Variants in ABTB3 observed in about 807,000 individuals in gnomAD.
ABTB3 encodes ankyrin repeat- and BTB/POZ domain-containing protein 3.
chr12:107,637,139 C>T, the ABTB3 span, among the ~76,000 whole-genome samples: 1 of 152,182 alleles, frequency 6.6e-6, no homozygotes, highest in South Asian at 2.1e-4. Flanking sequence ...GCTAAGTGCT[C>T]TTCATAAATT....
At chr12:107,405,050 GT>G in the ABTB3 span, among the ~76,000 whole-genome samples, 1 of 152,194 alleles carries the variant, frequency 6.6e-6, no homozygotes, top group African/African-American at 2.4e-5. Flanking sequence ...AGGCCCTGCT[GT>G]TTTTCTGCAA....
the ABTB3 span, among the ~76,000 whole-genome samples, chr12:107,377,565 G>C: frequency 6.6e-6 from 1 of 152,156 alleles, no homozygotes; most frequent in Non-Finnish European, 1.5e-5. Context: ...GGTCCCATGT[G>C]CTGGAGGTGA....
the ABTB3 span, among the ~76,000 whole-genome samples, chr12:107,450,641 A>C: frequency 6.6e-6 from 1 of 152,204 alleles, no homozygotes; most frequent in African/African-American, 2.4e-5. Context: ...AAGTCTGTCC[A>C]GGTTTGTCGA....
the ABTB3 span, among the ~76,000 whole-genome samples, chr12:107,533,986 G>A: frequency 6.6e-6 from 1 of 152,088 alleles, no homozygotes; most frequent in African/African-American, 2.4e-5. Context: ...GGAAATACAT[G>A]GACACTAAAC....
chr12:107,603,966 G>A, the ABTB3 span, among the ~76,000 whole-genome samples: 2 of 151,962 alleles, frequency 1.3e-5, no homozygotes, highest in Non-Finnish European at 2.9e-5. Flanking sequence ...TCAGGAGATC[G>A]AGACCATCCT....
the ABTB3 span, among the ~76,000 whole-genome samples, chr12:107,383,029 C>T: frequency 7.9e-5 from 12 of 152,180 alleles, no homozygotes; most frequent in Non-Finnish European, 1.8e-4. Flanking sequence ...CTCACCTCCT[C>T]AATGGCACCT....
chr12:107,447,283 CA>C, the ABTB3 span, among the ~76,000 whole-genome samples: 2 of 152,214 alleles, frequency 1.3e-5, no homozygotes, highest in African/African-American at 2.4e-5. Context: ...GCTGGGATTA[CA>C]GGCATGTGCC....
chr12:107,414,266 C>T, the ABTB3 span, among the ~76,000 whole-genome samples: 2,488 of 152,212 alleles, frequency 0.016, 82 homozygotes, highest in African/African-American at 0.057. Context: ...AGTGGGGGCT[C>T]CGAATACACT....
the ABTB3 span, chr12:107,651,656 T>A: frequency 1.3e-6 from 2 of 1,597,626 alleles, no homozygotes; most frequent in Non-Finnish European, 1.7e-6. Flanking sequence ...TCTAACAGAC[T>A]CTTTTTGTGA....
chr12:107,393,806 T>C, the ABTB3 span, among the ~76,000 whole-genome samples: 1 of 152,052 alleles, frequency 6.6e-6, no homozygotes, highest in Non-Finnish European at 1.5e-5. Flanking sequence ...GGCAGGCGCC[T>C]GTAGTCCCAG....
the ABTB3 span, among the ~76,000 whole-genome samples, chr12:107,379,962 C>A: frequency 6.6e-6 from 1 of 152,208 alleles, no homozygotes; most frequent in African/African-American, 2.4e-5. Flanking sequence ...TGTCTGGCTG[C>A]AGTTCAGAAG....
the ABTB3 span, among the ~76,000 whole-genome samples, chr12:107,599,098 C>T: frequency 3.3e-4 from 51 of 152,268 alleles, no homozygotes; most frequent in African/African-American, 1.1e-3. Flanking sequence ...TGAAATTCCC[C>T]GGAGATCCTG....
At chr12:107,658,190 T>G in the ABTB3 span, 1 of 154,178 alleles carries the variant, frequency 6.5e-6, no homozygotes, top group African/African-American at 2.4e-5. Context: ...CTGGCAAATT[T>G]TTAGGGGTGG....
chr12:107,576,574 GCT>G, the ABTB3 span, among the ~76,000 whole-genome samples: 1 of 151,992 alleles, frequency 6.6e-6, no homozygotes, highest in African/African-American at 2.4e-5. Context: ...CTCTTCAAAG[GCT>G]CTCTCTCCAA....
chr12:107,530,139 C>T, the ABTB3 span, among the ~76,000 whole-genome samples: 2 of 152,140 alleles, frequency 1.3e-5, no homozygotes, highest in Non-Finnish European at 2.9e-5. Context: ...AAATGCAGGG[C>T]AAGCTGAAAG....
At chr12:107,544,182 C>T in the ABTB3 span, 2 of 1,588,264 alleles carry the variant, frequency 1.3e-6, no homozygotes, top group African/African-American at 2.7e-5. Context: ...TGGGTACTGC[C>T]TCCAGGGTGG....
At chr12:107,380,129 C>T in the ABTB3 span, among the ~76,000 whole-genome samples, 1 of 152,202 alleles carries the variant, frequency 6.6e-6, no homozygotes, top group African/African-American at 2.4e-5. Flanking sequence ...GTTCTCAGCA[C>T]CAGCAAACGT....
the ABTB3 span, among the ~76,000 whole-genome samples, chr12:107,604,929 T>A: frequency 6.6e-6 from 1 of 152,090 alleles, no homozygotes; most frequent in Non-Finnish European, 1.5e-5. Flanking sequence ...TACTATTCAG[T>A]CTTAAAAAAA....
the ABTB3 span, among the ~76,000 whole-genome samples, chr12:107,336,027 G>A: frequency 4.6e-5 from 7 of 152,180 alleles, 1 homozygote; most frequent in East Asian, 3.9e-4. Context: ...CCAATGCAAA[G>A]CTTGTTCGTG....
Sources: gnomAD v4.1 joint callset for allele counts (sites outside exome capture counted in the v4.1 genomes callset) on GRCh38, gnomAD v4.1.1 for gene constraint, MANE v1.5 for transcripts, NCBI Gene and HGNC (gene_info 2026-07-23, HGNC 2026-07-21) for gene names.